CAMK1D: variants seen among roughly 807,000 people sequenced by gnomAD.
The protein encoded by CAMK1D is calcium/calmodulin-dependent protein kinase type 1D.
In CAMK1D, 9 loss-of-function variants were observed where a neutral mutation model predicts 47.7. The observed-to-expected ratio is 0.19, with a 90% CI of 0.11 to 0.33. CAMK1D has a LOEUF of 0.33. Among genes scored for constraint, CAMK1D ranks in the 10% least tolerant of loss-of-function variants. CAMK1D has a pLI of 1.00. For missense variants in CAMK1D, 291 were observed against 488.7 expected (o/e 0.60, Z 3.81); for synonymous variants, 184 against 184.9 (o/e 0.99, Z 0.04).
chr10:12,524,971 TC>T (rs1193330213), intron 1 of CAMK1D, among the ~76,000 whole-genome samples: 1 of 152,202 alleles, frequency 6.6e-6, no homozygotes, highest in African/African-American at 2.4e-5. Context: ...TGTCTTTATT[TC>T]CCCTTTATTT....
intron 1 of CAMK1D, among the ~76,000 whole-genome samples, chr10:12,363,518 T>C (rs1837743145): frequency 6.6e-6 from 1 of 152,122 alleles, no homozygotes; most frequent in African/African-American, 2.4e-5. Context: ...GCCTCCTCTC[T>C]CATGTACTTT....
intron 1 of CAMK1D, among the ~76,000 whole-genome samples, chr10:12,433,354 C>T (rs890657987): frequency 6.6e-6 from 1 of 152,146 alleles, no homozygotes; most frequent in African/African-American, 2.4e-5. Flanking sequence ...CCTCTGCTCT[C>T]ATTTCCTGCT....
intron 1 of CAMK1D, among the ~76,000 whole-genome samples, chr10:12,364,229 C>T (rs1189668725): frequency 1.4e-5 from 2 of 141,104 alleles, no homozygotes; most frequent in Non-Finnish European, 3.0e-5. Flanking sequence ...GACTCCAATG[C>T]GCATTCTCTT....
intron 3 of CAMK1D, among the ~76,000 whole-genome samples, chr10:12,749,550 T>TTTTGTTTG (rs200753252): frequency 1.5e-5 from 2 of 135,542 alleles, no homozygotes; most frequent in African/African-American, 6.7e-5. Context: ...TTTGTTTGTT[T>TTTTGTTTG]TTTGTTTGTT....
intron 1 of CAMK1D, among the ~76,000 whole-genome samples, chr10:12,359,894 C>T (rs1306477390): frequency 2.0e-5 from 3 of 152,092 alleles, no homozygotes; most frequent in Non-Finnish European, 4.4e-5. Context: ...TTAAAATACC[C>T]TTTTGGGGGA....
chr10:12,634,050 T>C (rs974017887), intron 2 of CAMK1D, among the ~76,000 whole-genome samples: 1 of 152,144 alleles, frequency 6.6e-6, no homozygotes, highest in Non-Finnish European at 1.5e-5. Flanking sequence ...TCTCAGCGGC[T>C]CCTGGGGAAT....
At chr10:12,440,680 C>CTCA (rs1219318156) in intron 1 of CAMK1D, among the ~76,000 whole-genome samples, 1 of 152,110 alleles carries the variant, frequency 6.6e-6, no homozygotes. Flanking sequence ...TAAATTATAC[C>CTCA]TCAATAAAGT....
intron 2 of CAMK1D, among the ~76,000 whole-genome samples, chr10:12,560,256 A>T (rs565748599): frequency 5.9e-5 from 9 of 152,050 alleles, no homozygotes; most frequent in Non-Finnish European, 1.3e-4. Flanking sequence ...CTTCAATAGA[A>T]ATTCATCGAT....
intron 2 of CAMK1D, among the ~76,000 whole-genome samples, chr10:12,606,737 C>T (rs1838472629): frequency 6.6e-6 from 1 of 152,204 alleles, no homozygotes; most frequent in South Asian, 2.1e-4. Context: ...TCGGAGATTG[C>T]TGGGGATTGG....
At chr10:12,421,392 C>T (rs1288601953) in intron 1 of CAMK1D, among the ~76,000 whole-genome samples, 3 of 152,092 alleles carry the variant, frequency 2.0e-5, no homozygotes, top group Admixed American at 2.0e-4. Flanking sequence ...CCCAGATGTT[C>T]CCTAGCCGCA....
intron 6 of CAMK1D, among the ~76,000 whole-genome samples, chr10:12,791,557 A>G (rs1277668509): frequency 6.6e-6 from 1 of 152,184 alleles, no homozygotes; most frequent in Non-Finnish European, 1.5e-5. Context: ...GGGACCTCAT[A>G]TAAGTGGAAT....
intron 2 of CAMK1D, among the ~76,000 whole-genome samples, chr10:12,644,015 T>A (rs1004138217): frequency 3.9e-5 from 6 of 152,206 alleles, no homozygotes; most frequent in African/African-American, 1.4e-4. Flanking sequence ...GTTGTAGAAT[T>A]ATTTCATTAT....
rs539562436 is a variant in CAMK1D, at chr10:12,455,961, C to A, written c.93-97264C>A. Among the ~76,000 whole-genome samples, 5 of 152,300 alleles carry A rather than the reference C, an allele frequency of 3.3e-5. No homozygotes were observed. The East Asian group carries it at 9.6e-4, about 29-fold the overall frequency. On this transcript the variant is annotated intron_variant, in intron 1 of 10. Coordinates refer to ENST00000619168, the MANE Select transcript of CAMK1D (RefSeq NM_153498.4). Reference sequence around the variant, plus strand: ...AGATCATTGCTTTGGTGCACCCCGCCCATAATAAATGTTCTAAGTCAGAAG... The same window carrying A: ...AGATCATTGCTTTGGTGCACCCCGCACATAATAAATGTTCTAAGTCAGAAG...
intron 1 of CAMK1D, among the ~76,000 whole-genome samples, chr10:12,542,957 A>G (rs1836244098): frequency 6.6e-6 from 1 of 151,946 alleles, no homozygotes; most frequent in African/African-American, 2.4e-5. Flanking sequence ...TGTTGGCCAG[A>G]CCGCTCTTGA....
In CAMK1D at chr10:12,769,391, G is replaced by A. The variant is rs188044008; in HGVS notation, c.439-282G>A. Among the ~76,000 whole-genome samples, 9 of 152,266 alleles carry A rather than the reference G, an allele frequency of 5.9e-5. No homozygotes were observed. In the East Asian group the frequency reaches 1.2e-3, roughly 20 times the overall value. ...AAATCCACAAGTCTGCAAAGCAATC[G>A]GCTTTCTAGATTGCCTCAGAATATG... On this transcript the variant is annotated intron_variant, in intron 4 of 10. Coordinates refer to ENST00000619168, the MANE Select transcript of CAMK1D (RefSeq NM_153498.4).
intron 9 of CAMK1D, among the ~76,000 whole-genome samples, chr10:12,825,270 C>G (rs1227193072): frequency 1.2e-4 from 11 of 93,292 alleles, no homozygotes; most frequent in Non-Finnish European, 1.2e-4. Context: ...TTATAATATG[C>G]CTTTTATTCT....
At position 12,397,906 on chromosome 10, in the gene CAMK1D, G is replaced by A. The variant is rs538565563; in HGVS notation, c.92+47996G>A. Among the ~76,000 whole-genome samples the A allele has an allele frequency of 3.2e-4, 48 of 152,258 alleles. No individual in the cohort carries two copies. In the South Asian group the frequency reaches 9.6e-3, roughly 30 times the overall value. On this transcript the variant is annotated intron_variant, in intron 1 of 10. Transcript: ENST00000619168. ...ACCTGGCCTAGGCTGGAACTGAGGG[G>A]TGAGCTTCTTTTCGAGGGGCCCAAC...
At chr10:12,679,919 A>G (rs1375436306) in intron 3 of CAMK1D, among the ~76,000 whole-genome samples, 2 of 152,174 alleles carry the variant, frequency 1.3e-5, no homozygotes, top group Non-Finnish European at 2.9e-5. Flanking sequence ...ATGCTGCATA[A>G]TCCCCAAGGA....
At chr10:12,650,964 G>C (rs938819878) in intron 2 of CAMK1D, among the ~76,000 whole-genome samples, 1 of 152,106 alleles carries the variant, frequency 6.6e-6, no homozygotes, top group East Asian at 1.9e-4. Flanking sequence ...ATTCGAGTTC[G>C]CTTCCCCTAA....
Sources: allele counts gnomAD v4.1 joint callset (sites outside exome capture counted in the v4.1 genomes callset), GRCh38; gene constraint gnomAD v4.1.1; transcripts MANE v1.5; gene names NCBI Gene and HGNC (gene_info 2026-07-23, HGNC 2026-07-21).